The following ATP6V1E2 variants were observed in gnomAD, a reference collection of about 807,000 sequenced individuals.
ATP6V1E2 encodes the protein V-type proton ATPase subunit E 2.
For missense variants in ATP6V1E2, 308 were observed against 273.3 expected (o/e 1.13, Z -0.90); for synonymous variants, 121 against 104.2 (o/e 1.16, Z -0.98).
chr2:46,522,817 C>T (rs1018520973), intron 4 of ATP6V1E2, among the ~76,000 whole-genome samples: 4 of 152,220 alleles, frequency 2.6e-5, no homozygotes, highest in African/African-American at 9.6e-5. Context: ...AATTGCCACA[C>T]TGTCTTCTTA....
At position 46,512,567 on chromosome 2, in the gene ATP6V1E2, G is replaced by C. The variant is rs758160588; in HGVS notation, c.145C>G (p.Gln49Glu). 9.3e-6 allele frequency: 15 copies of C among 1,614,016 alleles called. No homozygotes were observed. Among genetic ancestry groups the C allele is most frequent in the African/African-American group, 5.3e-5 (4 of 74,908 alleles). ...TAATACTCCATAATCTTCAGTCGTT[G>C]GGTTTGCACGAGGCGTCCTTTCTCA... ...NIEKGRLVQT[Q>E]RLKIMEYYEK... The change falls in exon 5 of 5, where the codon CAA becomes GAA. Residue 49 changes from glutamine to glutamate, a missense_variant. Coordinates refer to ENST00000522587, the MANE Select transcript of ATP6V1E2 (RefSeq NM_001318063.2).
At chr2:46,518,047 C>G (rs546039777) in intron 4 of ATP6V1E2, among the ~76,000 whole-genome samples, 1 of 152,262 alleles carries the variant, frequency 6.6e-6, no homozygotes, top group African/African-American at 2.4e-5. Context: ...AATGTTTGCA[C>G]ACCAATGTTC....
chr2:46,525,547 G>A (rs1322195690), intron 4 of ATP6V1E2, among the ~76,000 whole-genome samples: 2 of 151,840 alleles, frequency 1.3e-5, no homozygotes, highest in Non-Finnish European at 2.9e-5. Flanking sequence ...GAAGGCAAGG[G>A]CGAGAGAGTT....
At chr2:46,538,291 C>T (rs1667550428) in intron 2 of ATP6V1E2, among the ~76,000 whole-genome samples, 1 of 152,166 alleles carries the variant, frequency 6.6e-6, no homozygotes, top group Non-Finnish European at 1.5e-5. Context: ...TACTCAAAAA[C>T]TTTTGATACC....
intron 4 of ATP6V1E2, among the ~76,000 whole-genome samples, chr2:46,526,582 C>T (rs1666932645): frequency 6.6e-6 from 1 of 152,236 alleles, no homozygotes; most frequent in Admixed American, 6.5e-5. Flanking sequence ...CATTCTACTT[C>T]CTGTCTCTGT....
rs1395284943 is a variant in ATP6V1E2 at position 46,524,989 on chromosome 2, G to C, written c.-102+10824C>G. On this transcript the variant is annotated intron_variant, in intron 4 of 4. Coordinates refer to ENST00000522587, the MANE Select transcript of ATP6V1E2 (RefSeq NM_001318063.2). ...TCAGGAAGATCAGCCTGGGGGTGGT[G>C]GGGGCAGGAGTCTTGGACTATATGC... Among the ~76,000 whole-genome samples the C allele has an allele frequency of 7.2e-5, 11 of 152,278 alleles. No individual in the cohort carries two copies. The South Asian group carries it at 8.3e-4, about 11-fold the overall frequency.
chr2:46,512,890 T>TA, intron 4 of ATP6V1E2, 78 bp from the exon 5 acceptor site: 1 of 570,494 alleles, frequency 1.8e-6, no homozygotes, highest in South Asian at 2.4e-5. Context: ...TATATACCCC[T>TA]CACTTCACAG....
intron 2 of ATP6V1E2, among the ~76,000 whole-genome samples, chr2:46,538,728 C>T (rs1238209597): frequency 1.3e-5 from 2 of 152,088 alleles, no homozygotes; most frequent in Non-Finnish European, 2.9e-5. Flanking sequence ...ATGGCTGAAA[C>T]ATAAATGACC....
chr2:46,527,978 C>T (rs1357419664), intron 4 of ATP6V1E2: 1 of 152,226 alleles, frequency 6.6e-6, no homozygotes, highest in Non-Finnish European at 1.5e-5. Flanking sequence ...CAGCAGAGAC[C>T]TGCATTGGGT....
At chr2:46,528,632 G>A (rs1184692992) in intron 4 of ATP6V1E2, among the ~76,000 whole-genome samples, 1 of 152,180 alleles carries the variant, frequency 6.6e-6, no homozygotes, top group Non-Finnish European at 1.5e-5. Flanking sequence ...ATGGGCAGCC[G>A]CTTGGTGTCA....
intron 4 of ATP6V1E2, among the ~76,000 whole-genome samples, chr2:46,516,706 C>A (rs1687724533): frequency 6.6e-6 from 1 of 150,568 alleles, no homozygotes; most frequent in African/African-American, 2.4e-5. Flanking sequence ...AAAAGCAATT[C>A]TAAGAGGAAA....
intron 4 of ATP6V1E2, among the ~76,000 whole-genome samples, chr2:46,521,551 T>C (rs989021551): frequency 5.9e-5 from 9 of 152,084 alleles, no homozygotes; most frequent in African/African-American, 2.2e-4. Flanking sequence ...GAGAAGGGGC[T>C]TTCCAGAGCT....
chr2:46,527,261 G>A (rs373459827), intron 4 of ATP6V1E2, among the ~76,000 whole-genome samples: 4 of 151,834 alleles, frequency 2.6e-5, no homozygotes, highest in African/African-American at 9.7e-5. Flanking sequence ...TCACTCTGTC[G>A]CCCAGGCTGG....
rs986877826 is a variant in ATP6V1E2 at position 46,535,947 on chromosome 2, C to T, written c.-216-20G>A. 1 of 152,162 alleles carries T rather than the reference C, an allele frequency of 6.6e-6. No homozygotes were observed. Among genetic ancestry groups the T allele is most frequent in the Non-Finnish European group, 1.5e-5 (1 of 68,030 alleles). The allele number at this position is 152,162 out of a possible 1,614,324, so 9.4% of individuals were successfully genotyped here. ...TTGGTTCTGAAACATAAAATAAAATCATTAATTTCATTTTTGGAGGAGGGA... is the reference window on the plus strand; with the variant it reads ...TTGGTTCTGAAACATAAAATAAAATTATTAATTTCATTTTTGGAGGAGGGA... On this transcript the variant is annotated intron_variant, in intron 3 of 4. Coordinates refer to ENST00000522587, the MANE Select transcript of ATP6V1E2 (RefSeq NM_001318063.2). The surrounding 1 kb of genome is among the most constrained non-coding windows in gnomAD (Gnocchi z 4.4).
At chr2:46,531,970 T>A (rs1488207024) in intron 4 of ATP6V1E2, among the ~76,000 whole-genome samples, 2 of 152,256 alleles carry the variant, frequency 1.3e-5, no homozygotes, top group Non-Finnish European at 2.9e-5. Context: ...AAGTATTTTC[T>A]CTCATTCTGT....
At chr2:46,518,086 G>A (rs2103844107) in intron 4 of ATP6V1E2, among the ~76,000 whole-genome samples, 1 of 152,188 alleles carries the variant, frequency 6.6e-6, no homozygotes, top group East Asian at 1.9e-4. Context: ...ATAGCCAAGA[G>A]GTAGAAACAA....
chr2:46,523,454 G>C (rs1666740016), intron 4 of ATP6V1E2, among the ~76,000 whole-genome samples: 1 of 152,142 alleles, frequency 6.6e-6, no homozygotes, highest in African/African-American at 2.4e-5. Context: ...TTCTGCATAT[G>C]GCTAGTCAGT....
At chr2:46,537,058 C>T (rs551646948) in intron 2 of ATP6V1E2, among the ~76,000 whole-genome samples, 1 of 152,322 alleles carries the variant, frequency 6.6e-6, no homozygotes, top group South Asian at 2.1e-4. Flanking sequence ...GCTGGGATTA[C>T]AGGTATAAGC....
intron 4 of ATP6V1E2, among the ~76,000 whole-genome samples, chr2:46,514,190 G>C (rs748431876): frequency 6.6e-6 from 1 of 152,148 alleles, no homozygotes; most frequent in Non-Finnish European, 1.5e-5. Flanking sequence ...TGAGGCAGGA[G>C]AATCGCTTGA....
Sources: allele counts gnomAD v4.1 joint callset (sites outside exome capture counted in the v4.1 genomes callset), GRCh38; gene constraint gnomAD v4.1.1; non-coding constraint Gnocchi (gnomAD v3.1); transcripts MANE v1.5; gene names NCBI Gene and HGNC (gene_info 2026-07-23, HGNC 2026-07-21).